Variants in TMF1 observed in about 807,000 individuals in gnomAD.
TMF1 encodes TATA element modulatory factor.
TMF1 carries 71 observed loss-of-function variants against 126.5 expected under a neutral mutation model. The observed-to-expected ratio is 0.56, with a 90% CI of 0.46 to 0.68. TMF1 has a LOEUF of 0.68. Ranked by LOEUF, TMF1 falls within the 30% of genes least tolerant of loss-of-function variation. The pLI is 0.00. For missense variants in TMF1, 1,259 were observed against 1,253.2 expected, an observed-to-expected ratio of 1.00 and a Z score of -0.07; for synonymous variants, 461 against 430.5, an observed-to-expected ratio of 1.07 and a Z score of -0.88.
chr3:69,027,000 A>T (rs13063094), intron 13 of TMF1, among the ~76,000 whole-genome samples: 113,929 of 151,944 alleles, frequency 0.75, 42,927 homozygotes, highest in Admixed American at 0.82. Flanking sequence ...TTATTTATTT[A>T]TTTTTATTTT....
chr3:69,042,978 C>G lies in TMF1; in HGVS notation c.1579-66G>C, dbSNP rs1014712584. 6 of 1,133,674 alleles carry G rather than the reference C, an allele frequency of 5.3e-6. No individual in the cohort carries two copies. The African/African-American group carries it at 9.3e-5, about 18-fold the overall frequency. 70.2% of individuals were successfully genotyped at this position (1,133,674 alleles called of 1,614,324 possible). A position where few individuals can be genotyped will look rare whatever the true frequency, so the allele number is the denominator to read the frequency against. ...TTCACTCTAAGTACAGTTCTCATTT[C>G]TCCCCCATCCAAAGAAGCTGTCCAT... is the stretch of plus-strand genomic sequence containing the variant. On this transcript the variant is annotated intron_variant, in intron 4 of 16. Transcript: ENST00000398559.
At chr3:69,033,872 C>G (rs892252762) in intron 9 of TMF1, 168 bp from the exon 10 acceptor site, 2 of 612,830 alleles carry the variant, frequency 3.3e-6, no homozygotes, top group Non-Finnish European at 5.1e-6. Context: ...GCTCTGTCAC[C>G]CAGGCTGGAG....
rs1475361368 is a variant in TMF1, at chr3:69,022,674, A to T, written c.*503T>A. ...TTAGTTTAAAATTTAATAGCCACAG[A>T]TTTAATAATTTTTTACTTTAACACT... is the stretch of plus-strand genomic sequence containing the variant. On this transcript the variant is annotated 3_prime_UTR_variant, in exon 17 of 17. Coordinates refer to ENST00000398559, the MANE Select transcript of TMF1 (RefSeq NM_007114.3). 1 of 152,530 alleles carries T rather than the reference A, an allele frequency of 6.6e-6. No individual in the cohort carries two copies. Among genetic ancestry groups the T allele is most frequent in the African/African-American group, 2.4e-5 (1 of 41,462 alleles). The allele number at this position is 152,530 out of a possible 1,614,324, so 9.4% of individuals were successfully genotyped here. A position where few individuals can be genotyped will look rare whatever the true frequency, so the allele number is the denominator to read the frequency against.
At position 69,048,502 on chromosome 3, in the gene TMF1, G is replaced by A. The variant is rs1329856854; in HGVS notation, c.203C>T (p.Thr68Ile). The stretch of plus-strand genomic sequence containing the variant: ...GGCTATTGGTGGACTCTGAGGTTCA[G>A]TGTTTGATTTCAACCCCCAGGTTGA... Reference protein sequence around the residue: ...DTSTWGLKSNTEPQSPPIASP... With the variant: ...DTSTWGLKSNIEPQSPPIASP... Residue 68 changes from threonine to isoleucine, a missense_variant, in exon 2 of 17, where the codon ACT becomes ATT. Physicochemically the swap from Thr to Ile is moderately conservative, Grantham distance 89. Transcript: ENST00000398559. 2.5e-6 allele frequency: 4 copies of A among 1,613,912 alleles called. No individual in the cohort carries two copies. The highest frequency in any genetic ancestry group is 3.3e-5 in the Admixed American group (2 of 60,008).
At chr3:69,027,149 C>T (rs1559628915) in intron 13 of TMF1, among the ~76,000 whole-genome samples, 1 of 152,148 alleles carries the variant, frequency 6.6e-6, no homozygotes, top group East Asian at 1.9e-4. Flanking sequence ...GCACATGCCA[C>T]CATGCCCGGC....
intron 1 of TMF1, among the ~76,000 whole-genome samples, chr3:69,051,290 C>A (rs2091926952): frequency 1.3e-5 from 2 of 152,082 alleles, no homozygotes; most frequent in South Asian, 4.1e-4. Context: ...GCCTGGCCAA[C>A]ATAGTGAAAC....
At chr3:69,031,857 T>C (rs1008417991) in intron 10 of TMF1, among the ~76,000 whole-genome samples, 1 of 152,244 alleles carries the variant, frequency 6.6e-6, no homozygotes, top group East Asian at 1.9e-4. Context: ...TGAGGGTATG[T>C]AGACTTCAGT....
chr3:69,039,754 A>C, intron 5 of TMF1, 61 bp from the exon 6 acceptor site: 4 of 1,525,178 alleles, frequency 2.6e-6, no homozygotes, highest in Non-Finnish European at 3.5e-6. Context: ...TCTCAATAGA[A>C]TGTTTTATCT....
chr3:69,044,752 CT>C, intron 2 of TMF1, 157 bp from the exon 3 acceptor site: 1 of 496,192 alleles, frequency 2.0e-6, no homozygotes, highest in Non-Finnish European at 3.6e-6. Context: ...AAGAAGAACT[CT>C]TAGGCAGCTG....
rs190950136 is a variant in TMF1, at chr3:69,021,646, C to G, written c.*1531G>C. The stretch of plus-strand genomic sequence containing the variant: ...GTACTTGTATCTATATTCTGAAGTA[C>G]TAGTGTTTTAATTTTAACTAAAAAT... On this transcript the variant is annotated 3_prime_UTR_variant, in exon 17 of 17. Coordinates refer to ENST00000398559, the MANE Select transcript of TMF1 (RefSeq NM_007114.3). 2 of 151,352 alleles carry G rather than the reference C, an allele frequency of 1.3e-5. No homozygotes were observed. The highest frequency in any genetic ancestry group is 1.3e-4 in the Admixed American group (2 of 15,172). The allele number at this position is 151,352 out of a possible 1,614,324, so 9.4% of individuals were successfully genotyped here. A position where few individuals can be genotyped will look rare whatever the true frequency, so the allele number is the denominator to read the frequency against.
intron 9 of TMF1, chr3:69,033,907 T>C (rs2091818357): frequency 1.2e-5 from 5 of 431,954 alleles, no homozygotes; most frequent in Non-Finnish European, 2.0e-5. Context: ...CGTGGCTCAC[T>C]GTAGCCTCAA....
At position 69,049,329 on chromosome 3, in the gene TMF1, A is replaced by C. The variant is rs116923973; in HGVS notation, c.143-767T>G. On this transcript the variant is annotated intron_variant, in intron 1 of 16. Coordinates refer to ENST00000398559, the MANE Select transcript of TMF1 (RefSeq NM_007114.3). Reference sequence around the variant, plus strand: ...GTGGAAGCTGCAGTGAGCCATGATCAAACCACTGCACTTCAGCCTGGGTGA... The same window carrying C: ...GTGGAAGCTGCAGTGAGCCATGATCCAACCACTGCACTTCAGCCTGGGTGA... Among the ~76,000 whole-genome samples the C allele has an allele frequency of 1.0e-3, 152 of 152,364 alleles. 4 individuals carry two copies. In the East Asian group the frequency reaches 0.026, roughly 26 times the overall value.
At chr3:69,042,616 T>G (rs1177451897) in intron 5 of TMF1, 191 bp downstream of exon 5, 1 of 686,884 alleles carries the variant, frequency 1.5e-6, no homozygotes, top group Admixed American at 2.0e-5. Context: ...AAACAAAAGC[T>G]AGAAACACGT....
chr3:69,040,465 T>G (rs980484976), intron 5 of TMF1: 1 of 152,240 alleles, frequency 6.6e-6, no homozygotes, highest in Non-Finnish European at 1.5e-5. Context: ...ACGGTATTTG[T>G]AACCTCCTTT....
At chr3:69,026,243 G>GA (rs1240374977) in intron 13 of TMF1, 146 bp from the exon 14 acceptor site, 15 of 520,594 alleles carry the variant, frequency 2.9e-5, no homozygotes, top group Admixed American at 7.4e-5. Flanking sequence ...ATCAAAAGAA[G>GA]AAAAAAAACT....
chr3:69,038,796 T>C (rs754405047), intron 7 of TMF1, 47 bp downstream of exon 7: 7 of 1,586,382 alleles, frequency 4.4e-6, no homozygotes, highest in Non-Finnish European at 6.0e-6. Context: ...AACATCCTAC[T>C]CTGATAATTC....
intron 10 of TMF1, among the ~76,000 whole-genome samples, chr3:69,032,268 C>G (rs1041297764): frequency 3.3e-5 from 5 of 152,126 alleles, no homozygotes; most frequent in African/African-American, 9.7e-5. Flanking sequence ...GTTCACCCCC[C>G]CGATTCACAA....
At chr3:69,044,843 A>G (rs1455066399) in intron 2 of TMF1, among the ~76,000 whole-genome samples, 1 of 152,200 alleles carries the variant, frequency 6.6e-6, no homozygotes, top group Non-Finnish European at 1.5e-5. Context: ...CAATTAGGCA[A>G]TATCTAGTTG....
Position 69,035,118 on chromosome 3 carries a change from G to T in TMF1, c.2152-3C>A. On this transcript the variant is annotated splice_region_variant and splice_polypyrimidine_tract_variant and intron_variant, in intron 8 of 16. Coordinates refer to ENST00000398559, the MANE Select transcript of TMF1 (RefSeq NM_007114.3). ...AATGCAAGCCTAAGGTCCCCCACCT[G>T]TAGGAGGAGAAACAATACATTCACA... The T allele has an allele frequency of 6.2e-7, 1 of 1,612,418 alleles. No homozygotes were observed. Among genetic ancestry groups the T allele is most frequent in the Non-Finnish European group, 8.5e-7 (1 of 1,178,774 alleles).
Sources: gnomAD v4.1 joint callset for allele counts (sites outside exome capture counted in the v4.1 genomes callset) on GRCh38, gnomAD v4.1.1 for gene constraint, MANE v1.5 for transcripts, NCBI Gene and HGNC (gene_info 2026-07-23, HGNC 2026-07-21) for gene names.